MMD2: variants seen among roughly 807,000 people sequenced by gnomAD.
The protein encoded by MMD2 is monocyte to macrophage differentiation factor 2.
MMD2 carries 30 observed loss-of-function variants against 33.5 expected under a neutral mutation model. The ratio of observed to expected loss-of-function variants is 0.90; its 90% CI spans 0.67 to 1.22. The LOEUF is 1.22. MMD2 is among the 50% of genes most tolerant of loss of function. MMD2 has a pLI of 0.00. For synonymous variants in MMD2, 129 were observed against 123.0 expected (o/e 1.05, Z -0.32); for missense variants, 364 against 325.4 (o/e 1.12, Z -0.91).
downstream of MMD2, among the ~76,000 whole-genome samples, chr7:4,905,751 T>C (rs1233689370): frequency 6.6e-6 from 1 of 152,050 alleles, no homozygotes; most frequent in Non-Finnish European, 1.5e-5. The surrounding 1 kb of genome is among the most constrained non-coding windows in gnomAD (Gnocchi z 5.0). Flanking sequence ...AGCCCTCCCC[T>C]GCAAAAGTTT....
At chr7:4,936,961 C>A (rs1247196217) in intron 1 of MMD2, among the ~76,000 whole-genome samples, 1 of 151,194 alleles carries the variant, frequency 6.6e-6, no homozygotes, top group African/African-American at 2.4e-5. Context: ...GTCTCAAACT[C>A]CTGACCTCAA....
In MMD2 at chr7:4,946,158, CGCACACCT is replaced by C. The variant is rs1329323329; in HGVS notation, c.47+12805_47+12812del. 1.1e-4 allele frequency among the ~76,000 whole-genome samples: 17 copies of C among 150,986 alleles called. 1 individual carries two copies. In the South Asian group the frequency reaches 1.7e-3, roughly 15 times the overall value. Reference sequence around the variant, plus strand: ...ACACGCACGCACACCCACACCCGCGCGCACACCTGCACACATGCACACACACGCGCGCA... The same window carrying C: ...ACACGCACGCACACCCACACCCGCGCGCACACATGCACACACACGCGCGCA... On this transcript the variant is annotated intron_variant, in intron 1 of 6. Transcript: ENST00000401401. This position sits in a 1 kb window ranked among gnomAD's most constrained non-coding sequence, Gnocchi z 5.0.
intron 5 of MMD2, among the ~76,000 whole-genome samples, chr7:4,910,307 C>G (rs1321710550): frequency 6.6e-6 from 1 of 152,176 alleles, no homozygotes; most frequent in Non-Finnish European, 1.5e-5. Context: ...TCCCACAAGG[C>G]CCAAGCAGCC....
In MMD2 at chr7:4,907,280, A is replaced by G; in HGVS notation, c.*116T>C. 1 of 998,552 alleles carries G rather than the reference A, an allele frequency of 1.0e-6. No individual in the cohort carries two copies. The highest frequency in any genetic ancestry group is 1.5e-6 in the Non-Finnish European group (1 of 650,198). 61.9% of individuals were successfully genotyped at this position (998,552 alleles called of 1,614,324 possible). A position where few individuals can be genotyped will look rare whatever the true frequency, so the allele number is the denominator to read the frequency against. ...TGTCACCAGAAGTCACCTTGGAGCC[A>G]TCAAGAACTCTACCCAATAAAGGGA... is the stretch of plus-strand genomic sequence containing the variant. On this transcript the variant is annotated 3_prime_UTR_variant, in exon 7 of 7. Coordinates refer to ENST00000401401, the MANE Select transcript of MMD2 (RefSeq NM_198403.4).
chr7:4,936,634 CCT>C (rs1325183528), intron 1 of MMD2, among the ~76,000 whole-genome samples: 3 of 152,114 alleles, frequency 2.0e-5, no homozygotes, highest in Non-Finnish European at 2.9e-5. Flanking sequence ...CTAAAGCAAT[CCT>C]CCTGCCTCAG....
chr7:4,902,564 A>G (rs1784809177), downstream of MMD2, among the ~76,000 whole-genome samples: 1 of 152,164 alleles, frequency 6.6e-6, no homozygotes, highest in South Asian at 2.1e-4. Context: ...ACCCCGGAGG[A>G]GACCCAGACA....
chr7:4,907,821 T>C (rs975746597), intron 6 of MMD2, among the ~76,000 whole-genome samples: 27 of 152,216 alleles, frequency 1.8e-4, no homozygotes, highest in Admixed American at 1.7e-3. Flanking sequence ...CAATTTTTTT[T>C]CTTTTGACAG....
chr7:4,895,584 T>C, the MMD2 span, among the ~76,000 whole-genome samples: 1 of 152,094 alleles, frequency 6.6e-6, no homozygotes, highest in Admixed American at 6.6e-5. Context: ...TCACCCCAGC[T>C]GGAGTGCAGT....
chr7:4,921,313 G>C (rs1291651348), intron 2 of MMD2, among the ~76,000 whole-genome samples: 1 of 151,980 alleles, frequency 6.6e-6, no homozygotes, highest in Non-Finnish European at 1.5e-5. Context: ...CATTCAGCTT[G>C]TAAACAGGTT....
In MMD2 at chr7:4,907,487, AG is replaced by A. The variant is rs745926360; in HGVS notation, c.649del (p.Leu217SerfsTer3). On this transcript the variant is annotated frameshift_variant, in exon 7 of 7. Coordinates refer to ENST00000401401, the MANE Select transcript of MMD2 (RefSeq NM_198403.4). LOFTEE classifies it high-confidence loss of function. ...RIPFAHAIWH[L>X]FVAFGAGTHY... ...GGTACCAGCACCAAATGCTACAAAG[AG>A]ATGCCAGATGGCGTGGGCAAAGGGG... The A allele has an allele frequency of 1.9e-6, 3 of 1,614,002 alleles. No individual in the cohort carries two copies. The highest frequency in any genetic ancestry group is 1.7e-6 in the Non-Finnish European group (2 of 1,179,904).
At chr7:4,947,083 T>C (rs1489138370) in intron 1 of MMD2, among the ~76,000 whole-genome samples, 1 of 151,942 alleles carries the variant, frequency 6.6e-6, no homozygotes, top group African/African-American at 2.4e-5. Flanking sequence ...TGGTGCATGC[T>C]TGTAATCTCA....
intron 1 of MMD2, among the ~76,000 whole-genome samples, chr7:4,955,623 C>G (rs1206437355): frequency 6.6e-6 from 1 of 152,114 alleles, no homozygotes; most frequent in Non-Finnish European, 1.5e-5. Context: ...TCATTGTATA[C>G]TGATATAATA....
At chr7:4,898,593 G>T in the MMD2 span, among the ~76,000 whole-genome samples, 2 of 151,986 alleles carry the variant, frequency 1.3e-5, no homozygotes, top group South Asian at 4.1e-4. Context: ...CAAGGTGATG[G>T]TATTAAGAAA....
intron 3 of MMD2, among the ~76,000 whole-genome samples, chr7:4,918,249 T>C (rs1177062209): frequency 6.6e-6 from 1 of 152,176 alleles, no homozygotes; most frequent in African/African-American, 2.4e-5. Flanking sequence ...GGATACTTGG[T>C]TACAAAGCAA....
chr7:4,911,346 C>A, intron 4 of MMD2, 100 bp from the exon 5 acceptor site: 1 of 892,858 alleles, frequency 1.1e-6, no homozygotes, highest in Non-Finnish European at 1.7e-6. Flanking sequence ...CCAGGGAAGT[C>A]CTGTCACCTG....
the MMD2 span, among the ~76,000 whole-genome samples, chr7:4,896,304 ACT>A: frequency 2.0e-3 from 300 of 152,034 alleles, no homozygotes; most frequent in African/African-American, 6.7e-3. Context: ...ACATGGTGAA[ACT>A]CTGTCTCTAC....
chr7:4,898,301 A>T, the MMD2 span, among the ~76,000 whole-genome samples: 1 of 152,198 alleles, frequency 6.6e-6, no homozygotes, highest in African/African-American at 2.4e-5. Context: ...ATCCCAAGGT[A>T]TGACACCATG....
chr7:4,922,274 A>T (rs545940151), intron 2 of MMD2, among the ~76,000 whole-genome samples: 2 of 151,956 alleles, frequency 1.3e-5, no homozygotes. Context: ...ATCTTAAAAA[A>T]ATAAACAAAA....
At chr7:4,901,946 A>T (rs1300864524), downstream of MMD2, among the ~76,000 whole-genome samples, 1 of 152,182 alleles carries the variant, frequency 6.6e-6, no homozygotes, top group African/African-American at 2.4e-5. Context: ...GTTTTAAAAC[A>T]ATTATTCTCT....
Sources: gnomAD v4.1 joint callset for allele counts (sites outside exome capture counted in the v4.1 genomes callset) on GRCh38, gnomAD v4.1.1 for gene constraint, Gnocchi (gnomAD v3.1) non-coding constraint, MANE v1.5 for transcripts, NCBI Gene and HGNC (gene_info 2026-07-23, HGNC 2026-07-21) for gene names.